Variants in ART1 observed in about 807,000 individuals in gnomAD.
The protein encoded by ART1 is GPI-linked NAD(P)(+)--arginine ADP-ribosyltransferase 1.
Under a neutral mutation model 27.0 loss-of-function variants are expected in ART1, and 29 were observed. That is an observed-to-expected ratio of 1.08 (90% CI 0.80 to 1.47). ART1 has a LOEUF of 1.47. Among genes scored for constraint, ART1 ranks in the 40% most tolerant of loss-of-function variants. The pLI, the probability that ART1 is intolerant of heterozygous loss-of-function variation, is 0.00. For synonymous variants in ART1, 201 were observed against 172.2 expected (o/e 1.17, Z -1.31); for missense variants, 480 against 423.0 (o/e 1.13, Z -1.18).
At position 3,664,106 on chromosome 11, in the gene ART1, C is replaced by A. The variant is rs1165878247; in HGVS notation, c.901C>A (p.Pro301Thr). Residue 301 changes from proline to threonine, a missense_variant, in exon 5 of 5, where the codon CCC (proline) becomes ACC (threonine). By Grantham distance (38) the Pro-to-Thr change is conservative (BLOSUM62 -1). Coordinates refer to ENST00000250693, the MANE Select transcript of ART1 (RefSeq NM_004314.3). Reference protein sequence around the residue: ...HLDNSAMGQSPLSAVWSLLLL... With the variant: ...HLDNSAMGQSTLSAVWSLLLL... ...TTTCCCTGCAGCCATGGGTCAGAGC[C>A]CCCTCTCTGCAGTCTGGTCTTTGCT... is the stretch of plus-strand genomic sequence containing the variant. The A allele has an allele frequency of 5.0e-6, 8 of 1,613,870 alleles. No homozygotes were observed. Among genetic ancestry groups the A allele is most frequent in the Non-Finnish European group, 5.9e-6 (7 of 1,180,026 alleles).
chr11:3,656,371 T>C (rs904492278), intron 1 of ART1, among the ~76,000 whole-genome samples: 2 of 118,958 alleles, frequency 1.7e-5, no homozygotes, highest in Non-Finnish European at 4.0e-5. Flanking sequence ...TATTTATTTA[T>C]TTATTTATTT....
At position 3,649,078 on chromosome 11, in the gene ART1, G is replaced by A. The variant is rs554233944; in HGVS notation, c.-53+3899G>A. Among the ~76,000 whole-genome samples, 43 of 151,218 alleles carry A rather than the reference G, an allele frequency of 2.8e-4. 1 individual carries two copies. In the South Asian group the frequency reaches 7.3e-3, roughly 26 times the overall value. On this transcript the variant is annotated intron_variant, in intron 1 of 4. Coordinates refer to ENST00000250693, the MANE Select transcript of ART1 (RefSeq NM_004314.3). ...ATTTCCACGCCCTGACCCCTTTCCC[G>A]CTTTTCTGGAGGGTAAGAACCCCTG...
chr11:3,659,047 CT>C, intron 1 of ART1, 114 bp from the exon 2 acceptor site: 7 of 657,956 alleles, frequency 1.1e-5, no homozygotes. Flanking sequence ...GGTCCTCTCT[CT>C]TCTGAGCCTC....
Position 3,648,098 on chromosome 11 carries a change from C to T in ART1, c.-53+2919C>T, listed in dbSNP as rs376962190. ...CTGGCTCAAAAGCTCCCCTACTGAGCACCTTGTGACCCCCACTCTGCCTGC... is the reference window on the plus strand; with the variant it reads ...CTGGCTCAAAAGCTCCCCTACTGAGTACCTTGTGACCCCCACTCTGCCTGC... On this transcript the variant is annotated intron_variant, in intron 1 of 4. Transcript: ENST00000250693. Among the ~76,000 whole-genome samples, 9 of 152,186 alleles carry T rather than the reference C, an allele frequency of 5.9e-5. No individual in the cohort carries two copies. The East Asian group carries it at 7.7e-4, about 13-fold the overall frequency.
At position 3,659,972 on chromosome 11, in the gene ART1, C is replaced by G. The variant is rs991136254; in HGVS notation, c.453C>G (p.Phe151Leu). 5.0e-6 allele frequency: 8 copies of G among 1,613,924 alleles called. No individual in the cohort carries two copies. In the African/African-American group the frequency reaches 6.7e-5, roughly 13 times the overall value. Residue 151 changes from phenylalanine to leucine, a missense_variant, in exon 3 of 5, where the codon TTC becomes TTG. By Grantham distance (22) the Phe-to-Leu change is conservative (BLOSUM62 0). Transcript: ENST00000250693. ...SRAHYLHHFS[F>L]KTLHFLLTEA... is the part of the protein sequence containing the mutation. ...CCCACTACCTCCACCACTTCTCCTT[C>G]AAGACACTCCATTTCCTGCTGACTG...
At chr11:3,646,478 C>A (rs1224301241) in intron 1 of ART1, among the ~76,000 whole-genome samples, 1 of 152,114 alleles carries the variant, frequency 6.6e-6, no homozygotes, top group African/African-American at 2.4e-5. Flanking sequence ...CTTGCCATGG[C>A]AAATTAACAG....
chr11:3,661,004 T>A (rs1310603437), intron 3 of ART1, among the ~76,000 whole-genome samples: 1 of 152,196 alleles, frequency 6.6e-6, no homozygotes, highest in Non-Finnish European at 1.5e-5. Flanking sequence ...ACTTCCTATC[T>A]TGGACAACAT....
intron 1 of ART1, among the ~76,000 whole-genome samples, chr11:3,653,469 C>T (rs1468428226): frequency 6.7e-6 from 1 of 149,716 alleles, no homozygotes; most frequent in Non-Finnish European, 1.5e-5. Flanking sequence ...AACAACCCCC[C>T]TTTGACTGTA....
In ART1 at chr11:3,659,448, G is replaced by T. The variant is rs139063827; in HGVS notation, c.64-135G>T. 1.4e-3 allele frequency: 1,909 copies of T among 1,357,900 alleles called. 9 individuals carry two copies. The African/African-American group carries it at 0.016, about 11-fold the overall frequency. The allele number at this position is 1,357,900 out of a possible 1,614,324, so 84.1% of individuals were successfully genotyped here. ...AGTCTTGGGGAAATTACAGCCAGAG[G>T]TTCCCAATCCCCTTCCCCACCAGGT... On this transcript the variant is annotated intron_variant, in intron 2 of 4. Transcript: ENST00000250693.
chr11:3,660,158 T>A lies in ART1; in HGVS notation c.639T>A (p.Phe213Leu), dbSNP rs765311915. Residue 213 changes from phenylalanine (F) to leucine (L), a missense_variant, in exon 3 of 5, where the codon TTT becomes TTA. Phe to Leu is a conservative substitution (Grantham distance 22). Coordinates refer to ENST00000250693, the MANE Select transcript of ART1 (RefSeq NM_004314.3). ...ASLKHVAAQQ[F>L]GEDTFFGIWT... ...TGAAGCATGTTGCAGCCCAGCAGTT[T>A]GGTGAGGACACCTTCTTCGGCATCT... 2.5e-6 allele frequency: 4 copies of A among 1,613,902 alleles called. No individual in the cohort carries two copies. The highest frequency in any genetic ancestry group is 3.4e-6 in the Non-Finnish European group (4 of 1,180,028).
intron 1 of ART1, among the ~76,000 whole-genome samples, chr11:3,651,630 C>G (rs1275203492): frequency 6.6e-6 from 1 of 151,866 alleles, no homozygotes; most frequent in Non-Finnish European, 1.5e-5. Flanking sequence ...AAATCACAAA[C>G]TATGCTTAGC....
At chr11:3,648,303 A>G (rs61878502) in intron 1 of ART1, among the ~76,000 whole-genome samples, 7,648 of 152,258 alleles carry the variant, frequency 0.05, 225 homozygotes, top group African/African-American at 0.072. Flanking sequence ...ACGGACGCGC[A>G]TGAAATTTGG....
intron 1 of ART1, among the ~76,000 whole-genome samples, chr11:3,651,896 C>A (rs2077525088): frequency 6.6e-6 from 1 of 150,818 alleles, no homozygotes; most frequent in Non-Finnish European, 1.5e-5. Context: ...CTGTTCCTCA[C>A]CCTGATCACG....
At chr11:3,653,736 T>A (rs1439583908) in intron 1 of ART1, among the ~76,000 whole-genome samples, 5 of 152,088 alleles carry the variant, frequency 3.3e-5, no homozygotes. Flanking sequence ...TTTTTCCCTC[T>A]CTCACGTCCC....
chr11:3,655,151 G>T (rs963118768), intron 1 of ART1, among the ~76,000 whole-genome samples: 1 of 152,160 alleles, frequency 6.6e-6, no homozygotes, highest in African/African-American at 2.4e-5. Flanking sequence ...CTCTGGGCTG[G>T]GCTCAGGTCT....
intron 1 of ART1, among the ~76,000 whole-genome samples, chr11:3,656,375 TTTATTTATTTA>T (rs2077574547): frequency 4.1e-5 from 5 of 122,690 alleles, no homozygotes; most frequent in African/African-American, 1.3e-4. Flanking sequence ...TATTTATTTA[TTTATTTATTTA>T]TTTTTTAAAT....
At chr11:3,648,139 C>A (rs1467884699) in intron 1 of ART1, among the ~76,000 whole-genome samples, 1 of 152,196 alleles carries the variant, frequency 6.6e-6, no homozygotes, top group African/African-American at 2.4e-5. Context: ...AACAACCCCC[C>A]TTTGACTGTA....
chr11:3,651,471 T>G (rs56295924), intron 1 of ART1, among the ~76,000 whole-genome samples: 1,656 of 122,346 alleles, frequency 0.014, 15 homozygotes, highest in South Asian at 0.023. Context: ...TCCTTCCTAG[T>G]CATGGTTAGT....
In ART1 at chr11:3,664,095, T is replaced by C. The variant is rs147582309; in HGVS notation, c.890T>C (p.Met297Thr). ...TCTCTGCCTGTTTTCCCTGCAGCCA[T>C]GGGTCAGAGCCCCCTCTCTGCAGTC... ...SGPCHLDNSA[M>T]GQSPLSAVWS... Residue 297 changes from methionine to threonine, a missense_variant, in exon 5 of 5, where the codon ATG becomes ACG. Physicochemically the swap from Met to Thr is moderately conservative, Grantham distance 81. Coordinates refer to ENST00000250693, the MANE Select transcript of ART1 (RefSeq NM_004314.3). 31 of 1,613,742 alleles carry C rather than the reference T, an allele frequency of 1.9e-5. No individual in the cohort carries two copies. The highest frequency in any genetic ancestry group is 2.4e-5 in the Non-Finnish European group (28 of 1,179,980).
Sources: allele counts gnomAD v4.1 joint callset (sites outside exome capture counted in the v4.1 genomes callset), GRCh38; gene constraint gnomAD v4.1.1; transcripts MANE v1.5; gene names NCBI Gene and HGNC (gene_info 2026-07-23, HGNC 2026-07-21).